Variants in RAP1GAP2 observed in about 807,000 individuals in gnomAD.
The protein encoded by RAP1GAP2 is RAP1 GTPase activating protein 2.
A neutral mutation model predicts 95.0 loss-of-function variants in RAP1GAP2; 27 were observed. That is an observed-to-expected ratio of 0.28 (90% CI 0.21 to 0.39). The LOEUF (loss-of-function observed/expected upper bound fraction) is 0.39, where lower values mean the gene tolerates loss of function less well. Among genes scored for constraint, RAP1GAP2 ranks in the 10% least tolerant of loss-of-function variants. The pLI is 1.00. For synonymous variants in RAP1GAP2, 373 were observed against 380.9 expected (o/e 0.98, Z 0.24); for missense variants, 771 against 970.0 (o/e 0.79, Z 2.72).
At chr17:2,802,714 G>T (rs55700766) in intron 2 of RAP1GAP2, among the ~76,000 whole-genome samples, 25,090 of 151,790 alleles carry the variant, frequency 0.17, 2,172 homozygotes, top group African/African-American at 0.2. Context: ...AAAAAAAAAA[G>T]TCTAGAGCTG....
chr17:3,031,022 C>A, intron 23 of RAP1GAP2, 24 bp downstream of exon 23: 1 of 1,569,666 alleles, frequency 6.4e-7, no homozygotes, highest in Non-Finnish European at 8.7e-7. Flanking sequence ...TCCCACACCC[C>A]ACACTCCACT....
At chr17:2,941,564 AGG>A (rs1477097377) in intron 3 of RAP1GAP2, among the ~76,000 whole-genome samples, 3 of 152,010 alleles carry the variant, frequency 2.0e-5, no homozygotes, top group Admixed American at 1.3e-4. Flanking sequence ...GAGGCAGTGC[AGG>A]TAAGGAGAGG....
At chr17:2,876,158 T>C (rs1303125404) in intron 2 of RAP1GAP2, among the ~76,000 whole-genome samples, 2 of 151,958 alleles carry the variant, frequency 1.3e-5, no homozygotes, top group East Asian at 1.9e-4. Context: ...AGGATGGTCT[T>C]GATCTCCTGA....
rs996265927 is a variant in RAP1GAP2 at position 2,827,981 on chromosome 17, G to A, written c.80+27431G>A. 2.0e-5 allele frequency among the ~76,000 whole-genome samples: 3 copies of A among 152,162 alleles called. No individual in the cohort carries two copies. The highest frequency in any genetic ancestry group is 7.2e-5 in the African/African-American group (3 of 41,456). ...CCCTGTGGGGGAGCCACAAGAGGCC[G>A]TCCCTGGGCCTGCAAGCATGAGATG... On this transcript the variant is annotated intron_variant, in intron 2 of 24. Transcript: ENST00000254695. The surrounding 1 kb of genome is among the most constrained non-coding windows in gnomAD (Gnocchi z 4.1).
intron 3 of RAP1GAP2, among the ~76,000 whole-genome samples, chr17:2,918,679 C>T (rs1266827377): frequency 6.6e-6 from 1 of 151,976 alleles, no homozygotes. Context: ...GAGGACGGCA[C>T]CAGGGAGGGG....
chr17:2,854,185 G>T (rs1345928452), intron 2 of RAP1GAP2: 1 of 973,116 alleles, frequency 1.0e-6, no homozygotes, highest in Non-Finnish European at 1.2e-6. Context: ...TCCGATGGGT[G>T]TTTGGTTCCG....
intron 8 of RAP1GAP2, among the ~76,000 whole-genome samples, chr17:2,970,307 A>AATG (rs1567839871): frequency 1.8e-4 from 27 of 150,960 alleles, no homozygotes; most frequent in African/African-American, 6.1e-4. Context: ...TAATAATAAT[A>AATG]CGTCCCTTGT....
rs966357211 is a variant in RAP1GAP2, at chr17:2,870,581, C to CT, written c.81-34695dup. Reference sequence around the variant, plus strand: ...TAACGTTTAATATTTTTTTTGTGGTCTTTTTTTTCTATGCAAAAGCACACC... The same window carrying CT: ...TAACGTTTAATATTTTTTTTGTGGTCTTTTTTTTTCTATGCAAAAGCACACC... On this transcript the variant is annotated intron_variant, in intron 2 of 24. Transcript: ENST00000254695. This position sits in a 1 kb window ranked among gnomAD's most constrained non-coding sequence, Gnocchi z 4.4. Among the ~76,000 whole-genome samples the CT allele has an allele frequency of 1.3e-5, 2 of 151,936 alleles. No homozygotes were observed. The highest frequency in any genetic ancestry group is 4.8e-5 in the African/African-American group (2 of 41,366).
chr17:2,947,987 G>T (rs528312935), intron 3 of RAP1GAP2, among the ~76,000 whole-genome samples: 168 of 152,210 alleles, frequency 1.1e-3, no homozygotes, highest in African/African-American at 3.7e-3. Flanking sequence ...CTCCATCCTT[G>T]TCTTCTGGTA....
intron 1 of RAP1GAP2, among the ~76,000 whole-genome samples, chr17:2,770,122 A>G (rs1188570885): frequency 6.6e-6 from 1 of 150,992 alleles, no homozygotes; most frequent in Non-Finnish European, 1.5e-5. Context: ...TTTTCCATTT[A>G]TTGCGTTGAA....
intron 2 of RAP1GAP2, among the ~76,000 whole-genome samples, chr17:2,875,950 T>G (rs920681929): frequency 3.3e-5 from 5 of 151,656 alleles, no homozygotes; most frequent in Non-Finnish European, 7.4e-5. Flanking sequence ...GTTTGTTTTT[T>G]TTTTTGAGAT....
chr17:2,791,748 C>T (rs1002993860), upstream of RAP1GAP2, among the ~76,000 whole-genome samples: 2 of 152,176 alleles, frequency 1.3e-5, no homozygotes, highest in Non-Finnish European at 2.9e-5. Flanking sequence ...GCTCATCCTC[C>T]TCTCCCCGCT....
chr17:2,766,137 T>C (rs2068271583), intron 1 of RAP1GAP2, among the ~76,000 whole-genome samples: 1 of 152,222 alleles, frequency 6.6e-6, no homozygotes, highest in Non-Finnish European at 1.5e-5. Flanking sequence ...GGCAGCCTTG[T>C]GCTCTGCAGC....
At position 3,008,014 on chromosome 17, in the gene RAP1GAP2, C is replaced by T. The variant is rs1057191693; in HGVS notation, c.1363C>T (p.Arg455Trp). The change falls in exon 17 of 25, where the codon CGG (arginine) becomes TGG (tryptophan). Residue 455 changes from arginine to tryptophan, a missense_variant. Arg to Trp is a moderately radical substitution (Grantham distance 101, BLOSUM62 -3). Coordinates refer to ENST00000254695, the MANE Select transcript of RAP1GAP2 (RefSeq NM_015085.5). This position sits in a 1 kb window ranked among gnomAD's most constrained non-coding sequence, Gnocchi z 4.2. ...TCCCCACCCTCTTCCCTTCTAGGACCGGACCAGGGCTGCCCTCCTGGACAA... is the reference window on the plus strand; with the variant it reads ...TCCCCACCCTCTTCCCTTCTAGGACTGGACCAGGGCTGCCCTCCTGGACAA... ...KSDKFAKLED[R>W]TRAALLDNLH... The T allele has an allele frequency of 5.6e-6, 9 of 1,613,592 alleles. No homozygotes were observed. Among genetic ancestry groups the T allele is most frequent in the Non-Finnish European group, 7.6e-6 (9 of 1,179,758 alleles).
intron 17 of RAP1GAP2, 116 bp from the exon 18 acceptor site, chr17:3,017,945 G>GTGTGTA (rs1555601605): frequency 1.5e-5 from 13 of 877,790 alleles, no homozygotes; most frequent in Admixed American, 2.8e-5. Flanking sequence ...GTGTGTGTGT[G>GTGTGTA]TGTATGTGTG....
At position 3,003,833 on chromosome 17, in the gene RAP1GAP2, G is replaced by A. The variant is rs1026376605; in HGVS notation, c.1201-1536G>A. On this transcript the variant is annotated intron_variant, in intron 14 of 24. Transcript: ENST00000254695. The surrounding 1 kb of genome is among the most constrained non-coding windows in gnomAD (Gnocchi z 4.1). ...GCCTGGTTGGAATGGGGTCAAGAGA[G>A]GCGCACAATGAGGATGGAAGGTGAA... Among the ~76,000 whole-genome samples, 1 of 152,212 alleles carries A rather than the reference G, an allele frequency of 6.6e-6. No individual in the cohort carries two copies. Among genetic ancestry groups the A allele is most frequent in the African/African-American group, 2.4e-5 (1 of 41,452 alleles).
chr17:2,793,527 C>T (rs918087123), upstream of RAP1GAP2, among the ~76,000 whole-genome samples: 6 of 152,246 alleles, frequency 3.9e-5, no homozygotes, highest in Non-Finnish European at 8.8e-5. Flanking sequence ...TGGGCTGTAC[C>T]TGGCTCACCC....
At chr17:2,808,282 GAGA>G (rs1340150100) in intron 2 of RAP1GAP2, among the ~76,000 whole-genome samples, 1 of 152,288 alleles carries the variant, frequency 6.6e-6, no homozygotes, top group East Asian at 1.9e-4. Context: ...GGGTGAAGGT[GAGA>G]AGAAGGGTCA....
intron 4 of RAP1GAP2, chr17:2,962,402 A>C: frequency 2.2e-6 from 1 of 460,918 alleles, no homozygotes; most frequent in Non-Finnish European, 3.8e-6. Context: ...GTGACTTGCC[A>C]AGGTCATCAG....
Sources: allele counts gnomAD v4.1 joint callset (sites outside exome capture counted in the v4.1 genomes callset), GRCh38; gene constraint gnomAD v4.1.1; non-coding constraint Gnocchi (gnomAD v3.1); transcripts MANE v1.5; gene names NCBI Gene and HGNC (gene_info 2026-07-23, HGNC 2026-07-21).